VAPA: variants seen among roughly 807,000 people sequenced by gnomAD.
VAPA encodes the protein VAMP associated protein A.
Under a neutral mutation model 25.6 loss-of-function variants are expected in VAPA, and 6 were observed. The ratio of observed to expected loss-of-function variants is 0.23; its 90% confidence interval spans 0.13 to 0.46. The LOEUF is 0.46. VAPA is among the 20% of genes least tolerant of loss of function. The probability of loss-of-function intolerance (pLI) is 0.99; values close to 1 mark genes in which losing one functional copy is unlikely to be tolerated. For synonymous variants in VAPA, 112 were observed against 106.2 expected, an observed-to-expected ratio of 1.05 and a Z score of -0.34; for missense variants, 244 against 302.1, an observed-to-expected ratio of 0.81 and a Z score of 1.43.
chr18:9,947,861 GC>G (rs1567901547), intron 4 of VAPA: 1 of 151,976 alleles, frequency 6.6e-6, no homozygotes, highest in Non-Finnish European at 1.5e-5. Flanking sequence ...ATGACTCAAA[GC>G]CCACCCTCCC....
At chr18:9,915,547 G>T (rs2069105640) in intron 1 of VAPA, among the ~76,000 whole-genome samples, 1 of 152,162 alleles carries the variant, frequency 6.6e-6, no homozygotes, top group South Asian at 2.1e-4. Context: ...CGTTTTGGAA[G>T]TCTATGTCTT....
chr18:9,944,408 A>G (rs1210933334), intron 4 of VAPA, among the ~76,000 whole-genome samples: 3 of 152,178 alleles, frequency 2.0e-5, no homozygotes, highest in Admixed American at 6.5e-5. Flanking sequence ...GAAGAGAACT[A>G]TGGACTTAAT....
chr18:9,914,175 C>G lies in VAPA; in HGVS notation c.-82C>G, dbSNP rs1398456484. On this transcript the variant is annotated 5_prime_UTR_variant, in exon 1 of 6. Transcript: ENST00000400000. ...GCCTGGCCTCGTCCTAGAGCTCGGC[C>G]GAGCCGTCGCCGCCGTCGTCCCCCG... The G allele has an allele frequency of 3.8e-6, 5 of 1,309,960 alleles. No individual in the cohort carries two copies. The highest frequency in any genetic ancestry group is 4.5e-5 in the Admixed American group (2 of 44,456). The allele number at this position is 1,309,960 out of a possible 1,614,324, so 81.1% of individuals were successfully genotyped here.
At chr18:9,943,923 C>T (rs1283428401) in intron 4 of VAPA, among the ~76,000 whole-genome samples, 6 of 124,686 alleles carry the variant, frequency 4.8e-5, no homozygotes, top group Admixed American at 2.1e-4. Flanking sequence ...TGCAGTGGCG[C>T]GATCTCGGCT....
chr18:9,916,287 C>G (rs941430861), intron 1 of VAPA, among the ~76,000 whole-genome samples: 3 of 152,114 alleles, frequency 2.0e-5, no homozygotes, highest in African/African-American at 7.2e-5. Flanking sequence ...GATTATAGAA[C>G]TCATTGTTTT....
Position 9,956,404 on chromosome 18 carries a change from T to C in VAPA, c.*2193T>C, listed in dbSNP as rs1402364973. The C allele has an allele frequency of 1.3e-5, 2 of 152,314 alleles. No individual in the cohort carries two copies. Among genetic ancestry groups the C allele is most frequent in the African/African-American group, 4.8e-5 (2 of 41,470 alleles). 9.4% of individuals were successfully genotyped at this position (152,314 alleles called of 1,614,324 possible). On this transcript the variant is annotated 3_prime_UTR_variant, in exon 6 of 6. Coordinates refer to ENST00000400000, the MANE Select transcript of VAPA (RefSeq NM_194434.3). ...TGTTGAATAGTTTGGTTATAGTGTTTAGGCTAGAAATGCCTCCCACATTGG... is the reference window on the plus strand; with the variant it reads ...TGTTGAATAGTTTGGTTATAGTGTTCAGGCTAGAAATGCCTCCCACATTGG...
At chr18:9,949,851 C>G (rs1003112882) in intron 4 of VAPA, 1 of 153,146 alleles carries the variant, frequency 6.5e-6, no homozygotes, top group Non-Finnish European at 1.5e-5. Flanking sequence ...TGTTGAATCA[C>G]GTGAATTAAA....
chr18:9,914,343 G>A lies in VAPA; in HGVS notation c.79+8G>A. ...CAGACCTCAAATTCAAAGGTAGGCAGAACGGGGACACCCCCGGGTGGGGTG... is the reference window on the plus strand; with the variant it reads ...CAGACCTCAAATTCAAAGGTAGGCAAAACGGGGACACCCCCGGGTGGGGTG... On this transcript the variant is annotated splice_region_variant and intron_variant, in intron 1 of 5. Transcript: ENST00000400000. 1 of 1,572,924 alleles carries A rather than the reference G, an allele frequency of 6.4e-7. No individual in the cohort carries two copies. The highest frequency in any genetic ancestry group is 8.6e-7 in the Non-Finnish European group (1 of 1,161,910).
At chr18:9,927,466 C>T (rs1474733366) in intron 1 of VAPA, among the ~76,000 whole-genome samples, 11 of 148,530 alleles carry the variant, frequency 7.4e-5, no homozygotes, top group Admixed American at 7.4e-4. Context: ...AGAACTGTTA[C>T]AGTGGTTCTT....
At chr18:9,936,337 C>T (rs2069309926) in intron 3 of VAPA, 124 bp downstream of exon 3, 2 of 517,222 alleles carry the variant, frequency 3.9e-6, no homozygotes, top group African/African-American at 2.0e-5. Flanking sequence ...AAAAAACTGC[C>T]AATTTCTTCA....
At chr18:9,935,144 A>G (rs1156934055) in intron 2 of VAPA, among the ~76,000 whole-genome samples, 2 of 151,834 alleles carry the variant, frequency 1.3e-5, no homozygotes, top group Non-Finnish European at 2.9e-5. Flanking sequence ...TTGAGACTGT[A>G]GAATAAATTT....
At chr18:9,926,044 T>C (rs2069197660) in intron 1 of VAPA, among the ~76,000 whole-genome samples, 1 of 152,168 alleles carries the variant, frequency 6.6e-6, no homozygotes, top group African/African-American at 2.4e-5. Context: ...GTTGAATCAT[T>C]TGTAAACTTG....
intron 1 of VAPA, among the ~76,000 whole-genome samples, chr18:9,918,902 T>A (rs2143281950): frequency 6.6e-6 from 1 of 152,332 alleles, no homozygotes; most frequent in Admixed American, 6.5e-5. Context: ...CCATATTTTT[T>A]ATTTTTATTT....
Position 9,950,033 on chromosome 18 carries a change from T to C in VAPA, c.418-362T>C, listed in dbSNP as rs556926639. Reference sequence around the variant, plus strand: ...CACGGAAAATGACCTTCAATGGATTTTGTTGACGTCATTCAGCATACTTTC... The same window carrying C: ...CACGGAAAATGACCTTCAATGGATTCTGTTGACGTCATTCAGCATACTTTC... On this transcript the variant is annotated intron_variant, in intron 4 of 5. Coordinates refer to ENST00000400000, the MANE Select transcript of VAPA (RefSeq NM_194434.3). The C allele has an allele frequency of 3.9e-5, 7 of 181,044 alleles. No homozygotes were observed. In the South Asian group the frequency reaches 8.3e-4, roughly 21 times the overall value. 11.2% of individuals were successfully genotyped at this position (181,044 alleles called of 1,614,324 possible).
At chr18:9,918,280 G>A (rs746056005) in intron 1 of VAPA, among the ~76,000 whole-genome samples, 4 of 152,156 alleles carry the variant, frequency 2.6e-5, no homozygotes, top group Non-Finnish European at 5.9e-5. Flanking sequence ...CAAATGAGCA[G>A]ACATGTACTT....
Position 9,954,472 on chromosome 18 carries a change from T to C in VAPA, c.*261T>C, listed in dbSNP as rs2143451590. On this transcript the variant is annotated 3_prime_UTR_variant, in exon 6 of 6. Coordinates refer to ENST00000400000, the MANE Select transcript of VAPA (RefSeq NM_194434.3). ...CACATTGAGTCCTTTATGAAATTCA[T>C]AAATAAAGAATTGTTCTTTCTTTGT... 2.9e-6 allele frequency: 1 copy of C among 344,608 alleles called. No homozygotes were observed. 21.3% of individuals were successfully genotyped at this position (344,608 alleles called of 1,614,324 possible).
chr18:9,914,397 G>C (rs1246040567), intron 1 of VAPA, 62 bp downstream of exon 1: 38 of 1,464,234 alleles, frequency 2.6e-5, no homozygotes, highest in Middle Eastern at 1.9e-4. Flanking sequence ...CTGTCGGCGG[G>C]GGGGCGCGGA....
intron 1 of VAPA, 130 bp downstream of exon 1, chr18:9,914,465 T>A: frequency 2.7e-6 from 2 of 745,936 alleles, no homozygotes; most frequent in Non-Finnish European, 3.9e-6. Context: ...CCCGGCGCCT[T>A]CCCTTTCCCG....
At position 9,956,277 on chromosome 18, in the gene VAPA, A is replaced by G. The variant is rs949139442; in HGVS notation, c.*2066A>G. ...CAGTGTCTTCTGGTAACTGTTGAAA[A>G]TTGTCTTAGTTTGAGAGATGGCTGA... On this transcript the variant is annotated 3_prime_UTR_variant, in exon 6 of 6. Coordinates refer to ENST00000400000, the MANE Select transcript of VAPA (RefSeq NM_194434.3). 6.6e-6 allele frequency: 1 copy of G among 152,168 alleles called. No individual in the cohort carries two copies. Among genetic ancestry groups the G allele is most frequent in the Non-Finnish European group, 1.5e-5 (1 of 68,020 alleles). The allele number at this position is 152,168 out of a possible 1,614,324, so 9.4% of individuals were successfully genotyped here. A position where few individuals can be genotyped will look rare whatever the true frequency, so the allele number is the denominator to read the frequency against.
Sources: allele counts gnomAD v4.1 joint callset (sites outside exome capture counted in the v4.1 genomes callset), GRCh38; gene constraint gnomAD v4.1.1; transcripts MANE v1.5; gene names NCBI Gene and HGNC (gene_info 2026-07-23, HGNC 2026-07-21).